The following LINGO2 variants were observed in gnomAD, a reference collection of about 807,000 sequenced individuals.
LINGO2 encodes the protein leucine rich repeat and Ig domain containing 2.
A neutral mutation model predicts 30.6 loss-of-function variants in LINGO2; 14 were observed. The observed-to-expected ratio is 0.46, with a 90% confidence interval of 0.30 to 0.72. The LOEUF (loss-of-function observed/expected upper bound fraction) is 0.72, where lower values mean the gene tolerates loss of function less well. Among genes scored for constraint, LINGO2 ranks in the 30% least tolerant of loss-of-function variants. The pLI, the probability that LINGO2 is intolerant of heterozygous loss-of-function variation, is 0.07. For synonymous variants in LINGO2, 317 were observed against 288.5 expected (o/e 1.10, Z -1.00); for missense variants, 729 against 751.7 (o/e 0.97, Z 0.35).
chr9:28,203,252 C>T (rs759383323), intron 4 of LINGO2, among the ~76,000 whole-genome samples: 5 of 152,098 alleles, frequency 3.3e-5, no homozygotes, highest in Admixed American at 2.0e-4. Flanking sequence ...CATGTAACTA[C>T]TTGAGAGTAC....
chr9:29,123,966 C>A, the LINGO2 span, among the ~76,000 whole-genome samples: 1 of 151,752 alleles, frequency 6.6e-6, no homozygotes. Context: ...GGCATATTAG[C>A]TAAATAACAA....
rs144057846 is a variant in LINGO2 at position 28,250,072 on chromosome 9, G to A, written c.-87+45136C>T. Reference sequence around the variant, plus strand: ...AATGTTTTATTACTGACACCAAAAGGACTGAAAATTATCAAAAAGTGAATA... The same window carrying A: ...AATGTTTTATTACTGACACCAAAAGAACTGAAAATTATCAAAAAGTGAATA... On this transcript the variant is annotated intron_variant, in intron 4 of 5. Coordinates refer to ENST00000379992, the Ensembl canonical transcript of LINGO2. Among the ~76,000 whole-genome samples the A allele has an allele frequency of 8.6e-3, 1,307 of 152,146 alleles. 28 individuals are homozygous for A. The highest frequency in any genetic ancestry group is 0.03 in the African/African-American group (1,262 of 41,518).
intron 4 of LINGO2, among the ~76,000 whole-genome samples, chr9:28,276,163 G>A (rs148274268): frequency 4.6e-5 from 7 of 152,196 alleles, no homozygotes; most frequent in Admixed American, 6.5e-5. Flanking sequence ...AGCCTTGTAC[G>A]TTTTGATTTC....
intron 5 of LINGO2, among the ~76,000 whole-genome samples, chr9:28,010,875 T>A (rs1822520024): frequency 6.6e-6 from 1 of 152,196 alleles, no homozygotes; most frequent in Non-Finnish European, 1.5e-5. Context: ...GGATGATCTC[T>A]TGAACCCAAG....
At chr9:28,534,551 T>A (rs1821353802) in intron 1 of LINGO2, among the ~76,000 whole-genome samples, 1 of 152,192 alleles carries the variant, frequency 6.6e-6, no homozygotes, top group Non-Finnish European at 1.5e-5. Context: ...CTCCAAAAAC[T>A]TGTCATTCTT....
intron 4 of LINGO2, among the ~76,000 whole-genome samples, chr9:28,091,963 C>A (rs1826104387): frequency 6.6e-6 from 1 of 152,130 alleles, no homozygotes; most frequent in African/African-American, 2.4e-5. Flanking sequence ...CATCACTGGC[C>A]ATCAGAGAAA....
At chr9:28,611,103 A>G (rs1825896800) in intron 1 of LINGO2, among the ~76,000 whole-genome samples, 1 of 152,166 alleles carries the variant, frequency 6.6e-6, no homozygotes, top group Non-Finnish European at 1.5e-5. Context: ...AGATGTGATC[A>G]AAGGTGTTTT....
rs537415958 is a variant in LINGO2, at chr9:28,171,940, T to TGAAC, written c.-87+123267_-87+123268insGTTC. 6.5e-3 allele frequency among the ~76,000 whole-genome samples: 889 copies of TGAAC among 135,822 alleles called. 11 individuals carry two copies. Among genetic ancestry groups the TGAAC allele is most frequent in the African/African-American group, 0.022 (797 of 36,582 alleles). 89.1% of individuals were successfully genotyped at this position (135,822 alleles called of 152,430 possible). A position where few individuals can be genotyped will look rare whatever the true frequency, so the allele number is the denominator to read the frequency against. ...GGGAGGCTGAGGCAGGAGAATGGCG[T>TGAAC]TCAGGAGGCAGAGCTTGCAGTGAGC... On this transcript the variant is annotated intron_variant, in intron 4 of 5. Transcript: ENST00000379992.
At chr9:28,303,236 T>C (rs1824215087) in intron 3 of LINGO2, among the ~76,000 whole-genome samples, 1 of 152,208 alleles carries the variant, frequency 6.6e-6, no homozygotes, top group Non-Finnish European at 1.5e-5. Flanking sequence ...TGTTTTCATT[T>C]AGGCTTTCCA....
Position 28,561,749 on chromosome 9 carries a change from G to GTGTATATA in LINGO2, c.-364-85725_-364-85724insTATATACA, listed in dbSNP as rs772157537. On this transcript the variant is annotated intron_variant, in intron 1 of 5. Transcript: ENST00000379992. Reference sequence around the variant, plus strand: ...TATATATAATTTTGTGTGTGTGTGTGTATATATATATATATATATATATAT... The same window carrying GTGTATATA: ...TATATATAATTTTGTGTGTGTGTGTGTGTATATATATATATATATATATATATATATAT... Among the ~76,000 whole-genome samples, 190 of 48,710 alleles carry GTGTATATA rather than the reference G, an allele frequency of 3.9e-3. 22 individuals carry two copies. The highest frequency in any genetic ancestry group is 6.7e-3 in the Admixed American group (30 of 4,478). 32.0% of individuals were successfully genotyped at this position (48,710 alleles called of 152,430 possible). A position where few individuals can be genotyped will look rare whatever the true frequency, so the allele number is the denominator to read the frequency against.
chr9:28,482,091 C>T (rs1391969169), intron 1 of LINGO2, among the ~76,000 whole-genome samples: 1 of 151,996 alleles, frequency 6.6e-6, no homozygotes, highest in Non-Finnish European at 1.5e-5. Context: ...CATATGTGTG[C>T]ATGTGTCTTT....
the LINGO2 span, among the ~76,000 whole-genome samples, chr9:28,725,180 A>AAATTTATCACACGT: frequency 2.6e-5 from 4 of 152,102 alleles, no homozygotes; most frequent in Non-Finnish European, 4.4e-5. Flanking sequence ...TCAATCAAAA[A>AAATTTATCACACGT]AATTTATCAC....
intron 4 of LINGO2, among the ~76,000 whole-genome samples, chr9:28,198,049 C>G (rs1587200825): frequency 6.7e-6 from 1 of 149,868 alleles, no homozygotes; most frequent in African/African-American, 2.4e-5. Context: ...CTATTGGTGG[C>G]AATTGAGCAC....
the LINGO2 span, among the ~76,000 whole-genome samples, chr9:29,019,969 T>C: frequency 6.6e-6 from 1 of 152,122 alleles, no homozygotes; most frequent in South Asian, 2.1e-4. Context: ...AGAAAGAATT[T>C]GCAATTTCAG....
chr9:28,042,661 A>C (rs1587752323), intron 4 of LINGO2, among the ~76,000 whole-genome samples: 2 of 152,210 alleles, frequency 1.3e-5, no homozygotes, highest in African/African-American at 2.4e-5. Context: ...TCATATATTC[A>C]ATCTATTTTT....
chr9:28,907,498 T>C, the LINGO2 span, among the ~76,000 whole-genome samples: 1 of 151,782 alleles, frequency 6.6e-6, no homozygotes, highest in African/African-American at 2.4e-5. Flanking sequence ...GATGACATAT[T>C]ATTCCTATGA....
intron 1 of LINGO2, among the ~76,000 whole-genome samples, chr9:28,635,802 T>C (rs1426919307): frequency 6.6e-6 from 1 of 152,000 alleles, no homozygotes; most frequent in Non-Finnish European, 1.5e-5. Context: ...TAAAAAAGAG[T>C]TCAGAGGTTT....
At chr9:28,368,406 T>C (rs6476060) in intron 3 of LINGO2, among the ~76,000 whole-genome samples, 37,683 of 152,032 alleles carry the variant, frequency 0.25, 4,941 homozygotes, top group African/African-American at 0.3. Context: ...TTGAGTTCTT[T>C]AGTCTCCAGA....
the LINGO2 span, among the ~76,000 whole-genome samples, chr9:28,744,714 G>A: frequency 5.4e-5 from 8 of 148,810 alleles, no homozygotes; most frequent in Non-Finnish European, 1.0e-4. Context: ...TTGGCTCACT[G>A]CAACCTCTGC....
Sources: allele counts gnomAD v4.1 joint callset (sites outside exome capture counted in the v4.1 genomes callset), GRCh38; gene constraint gnomAD v4.1.1; transcripts MANE v1.5; gene names NCBI Gene and HGNC (gene_info 2026-07-23, HGNC 2026-07-21).